The following TARBP1 variants were observed in gnomAD, a reference collection of about 807,000 sequenced individuals.
The protein encoded by TARBP1 is tRNA guanosine 2 -O-methyltransferase TARBP1.
TARBP1 carries 144 observed loss-of-function variants against 178.6 expected under a neutral mutation model. The observed-to-expected ratio is 0.81, with a 90% confidence interval of 0.70 to 0.93. The LOEUF (loss-of-function observed/expected upper bound fraction) is 0.93, where lower values mean the gene tolerates loss of function less well. Among genes scored for constraint, TARBP1 ranks in the 40% least tolerant of loss-of-function variants. The probability of loss-of-function intolerance (pLI) is 0.00; values close to 1 mark genes in which losing one functional copy is unlikely to be tolerated. For synonymous variants in TARBP1, 787 were observed against 781.0 expected, an observed-to-expected ratio of 1.01 and a Z score of -0.13; for missense variants, 2,067 against 2,011.7, an observed-to-expected ratio of 1.03 and a Z score of -0.53.
At chr1:234,472,612 G>A (rs912723497) in intron 2 of TARBP1, 102 bp downstream of exon 2, 7 of 702,724 alleles carry the variant, frequency 1.0e-5, no homozygotes, top group Non-Finnish European at 1.6e-5. Flanking sequence ...ATCATCACCA[G>A]CTATATCTGA....
chr1:234,477,220 A>T (rs114172435), intron 1 of TARBP1, among the ~76,000 whole-genome samples: 15,443 of 152,224 alleles, frequency 0.1, 1,157 homozygotes, highest in African/African-American at 0.21. Flanking sequence ...GCAAAATAAC[A>T]GACTCATGTA....
chr1:234,473,622 A>G (rs1669284000), intron 1 of TARBP1, among the ~76,000 whole-genome samples: 1 of 152,260 alleles, frequency 6.6e-6, no homozygotes, highest in African/African-American at 2.4e-5. Flanking sequence ...CCAGCCCAGG[A>G]GGAAAGATCT....
At chr1:234,465,779 C>A in intron 4 of TARBP1, 71 bp from the exon 5 acceptor site, 1 of 1,391,290 alleles carries the variant, frequency 7.2e-7, no homozygotes, top group Non-Finnish European at 9.6e-7. Flanking sequence ...GTCAGTTTCC[C>A]TGATTGAACA....
chr1:234,414,132 T>C (rs573472351), intron 22 of TARBP1, among the ~76,000 whole-genome samples: 19 of 152,340 alleles, frequency 1.2e-4, no homozygotes, highest in African/African-American at 4.6e-4. Context: ...CACAAAAACA[T>C]GGCTTTGTGG....
chr1:234,425,798 A>T lies in TARBP1; in HGVS notation c.3324-5T>A. On this transcript the variant is annotated splice_region_variant and splice_polypyrimidine_tract_variant and intron_variant, in intron 19 of 29. Coordinates refer to ENST00000040877, the MANE Select transcript of TARBP1 (RefSeq NM_005646.4). ...TAATGGTCTTCTCTCTTAGTACTAA[A>T]AAAATTAAATGATAAATTATGTTAA... 1 of 1,537,876 alleles carries T rather than the reference A, an allele frequency of 6.5e-7. No individual in the cohort carries two copies. Among genetic ancestry groups the T allele is most frequent in the Non-Finnish European group, 8.8e-7 (1 of 1,132,094 alleles).
Position 234,433,550 on chromosome 1 carries a change from G to T in TARBP1, c.2254C>A (p.His752Asn). ...LNSVSDLDRC[H>N]LYLMVLTELI... ...TCAGTTAACACCATCAGGTATAAAT[G>T]GCAACGATCCAGATCTGAAACCTAA... The change falls in exon 14 of 30, where the codon CAT (histidine) becomes AAT (asparagine). Residue 752 changes from histidine (H) to asparagine (N), a missense_variant. His to Asn is a moderately conservative substitution (Grantham distance 68). Transcript: ENST00000040877. The T allele has an allele frequency of 1.2e-6, 2 of 1,612,788 alleles. No homozygotes were observed. Among genetic ancestry groups the T allele is most frequent in the Admixed American group, 1.7e-5 (1 of 59,486 alleles).
chr1:234,418,081 TACA>T lies in TARBP1; in HGVS notation c.3705_3705+2del, dbSNP rs1211733819. ...AAATATATAAAAAATATTCTTTACTTACATAAGAAAAACAATCCCAGAACTTTG... is the reference window on the plus strand; with the variant it reads ...AAATATATAAAAAATATTCTTTACTTTAAGAAAAACAATCCCAGAACTTTG... On this transcript the variant is annotated splice_donor_variant and coding_sequence_variant, in exon 22 of 30. Coordinates refer to ENST00000040877, the MANE Select transcript of TARBP1 (RefSeq NM_005646.4). LOFTEE classifies it high-confidence loss of function. 1.5e-6 allele frequency: 2 copies of T among 1,296,890 alleles called. No homozygotes were observed. Among genetic ancestry groups the T allele is most frequent in the African/African-American group, 3.1e-5 (2 of 63,740 alleles). The allele number at this position is 1,296,890 out of a possible 1,614,324, so 80.3% of individuals were successfully genotyped here.
At chr1:234,449,257 G>A (rs270524) in intron 10 of TARBP1, among the ~76,000 whole-genome samples, 32,538 of 152,082 alleles carry the variant, frequency 0.21, 4,512 homozygotes, top group African/African-American at 0.4. Context: ...GCAATAGGAA[G>A]CCACTGAAGG....
intron 20 of TARBP1, among the ~76,000 whole-genome samples, chr1:234,423,961 A>G (rs1028546102): frequency 3.9e-5 from 6 of 152,048 alleles, no homozygotes; most frequent in African/African-American, 1.4e-4. Flanking sequence ...ACCCATACCC[A>G]GCTCCTATCA....
At chr1:234,423,921 T>TTATAACATG (rs1317160594) in intron 20 of TARBP1, among the ~76,000 whole-genome samples, 2 of 151,966 alleles carry the variant, frequency 1.3e-5, no homozygotes, top group African/African-American at 2.4e-5. Context: ...TAAATATATA[T>TTATAACATG]TATAACATGT....
At chr1:234,392,628 G>A (rs1659499506) in intron 28 of TARBP1, 76 bp from the exon 29 acceptor site, 7 of 1,310,920 alleles carry the variant, frequency 5.3e-6, no homozygotes, top group Middle Eastern at 2.0e-4. Flanking sequence ...GTTAAAAAAC[G>A]TATTAACCTA....
intron 12 of TARBP1, among the ~76,000 whole-genome samples, chr1:234,438,294 A>G (rs887347388): frequency 9.2e-5 from 14 of 152,124 alleles, no homozygotes; most frequent in African/African-American, 3.4e-4. Context: ...CTGATATGGA[A>G]AAAAAAATCT....
chr1:234,424,382 T>C (rs968660803), intron 20 of TARBP1, among the ~76,000 whole-genome samples: 2 of 152,232 alleles, frequency 1.3e-5, no homozygotes, highest in African/African-American at 4.8e-5. Flanking sequence ...AGAAATGATT[T>C]AGCAGGCTCA....
In TARBP1 at chr1:234,429,166, G is replaced by A; in HGVS notation, c.3030C>T (p.Ile1010=). The change falls in exon 17 of 30, where the codon ATC becomes ATT. Residue 1010 remains isoleucine (I), a synonymous_variant. Transcript: ENST00000040877. ...DNKVLTIAAK[I]KGQAYFKIKE... ...TTATTTTGAAATATGCCTGGCCCTTGATTTTGGCAGCAATGGTAAGAACTT... is the reference window on the plus strand; with the variant it reads ...TTATTTTGAAATATGCCTGGCCCTTAATTTTGGCAGCAATGGTAAGAACTT... The A allele has an allele frequency of 6.3e-7, 1 of 1,585,802 alleles. No individual in the cohort carries two copies. Among genetic ancestry groups the A allele is most frequent in the African/African-American group, 1.4e-5 (1 of 72,966 alleles).
chr1:234,428,792 C>A (rs886114646), intron 17 of TARBP1, among the ~76,000 whole-genome samples: 1 of 152,164 alleles, frequency 6.6e-6, no homozygotes, highest in Non-Finnish European at 1.5e-5. Flanking sequence ...GTGATCCGCC[C>A]GCCTCAGCCT....
In TARBP1 at chr1:234,478,378, G is replaced by C. The variant is rs747957277; in HGVS notation, c.726C>G (p.Pro242=). 2.7e-5 allele frequency: 36 copies of C among 1,310,372 alleles called. No homozygotes were observed. Among genetic ancestry groups the C allele is most frequent in the Admixed American group, 1.0e-4 (3 of 29,688 alleles). The allele number at this position is 1,310,372 out of a possible 1,614,324, so 81.2% of individuals were successfully genotyped here. ...VLSALAEKLL[P]EPGGDRARGA... ...CGCGGGCGCGGTCGCCGCCGGGCTC[G>C]GGCAACAGCTTCTCGGCCAGGGCGC... The change falls in exon 1 of 30, where the codon CCC becomes CCG. Residue 242 remains proline (P), a synonymous_variant. Coordinates refer to ENST00000040877, the MANE Select transcript of TARBP1 (RefSeq NM_005646.4).
chr1:234,419,714 T>C (rs1662871189), intron 21 of TARBP1, among the ~76,000 whole-genome samples: 1 of 152,146 alleles, frequency 6.6e-6, no homozygotes. Context: ...TCCTTATGTT[T>C]AATGACATAC....
intron 21 of TARBP1, among the ~76,000 whole-genome samples, chr1:234,419,670 T>C (rs748291705): frequency 6.6e-6 from 1 of 152,176 alleles, no homozygotes; most frequent in Non-Finnish European, 1.5e-5. Flanking sequence ...GTAATCTAGT[T>C]GAGCATTTCT....
chr1:234,393,807 G>C lies in TARBP1; in HGVS notation c.4274C>G (p.Ala1425Gly). Reference protein sequence around the residue: ...GTNLVEADNQAEWTDVQKKII... With the variant: ...GTNLVEADNQGEWTDVQKKII... ...CTTCTTCTGAACGTCGGTCCACTCC[G>C]CTTGGTTATCTGCTTCGACCAAATT... The change falls in exon 27 of 30, where the codon GCG becomes GGG. Residue 1425 changes from alanine (A) to glycine (G), a missense_variant. Physicochemically the swap from Ala to Gly is moderately conservative, Grantham distance 60 (BLOSUM62 0). Transcript: ENST00000040877. 6.2e-7 allele frequency: 1 copy of C among 1,612,806 alleles called. No homozygotes were observed. The highest frequency in any genetic ancestry group is 8.5e-7 in the Non-Finnish European group (1 of 1,179,296).
Sources: gnomAD v4.1 joint callset for allele counts (sites outside exome capture counted in the v4.1 genomes callset) on GRCh38, gnomAD v4.1.1 for gene constraint, MANE v1.5 for transcripts, NCBI Gene and HGNC (gene_info 2026-07-23, HGNC 2026-07-21) for gene names.